The following CDH11 variants were observed in gnomAD, a reference collection of about 807,000 sequenced individuals.
The protein encoded by CDH11 is cadherin 11, also known as cadherin-11.
A neutral mutation model predicts 67.8 loss-of-function variants in CDH11; 11 were observed. The observed-to-expected ratio is 0.16, with a 90% CI of 0.10 to 0.27. The LOEUF (loss-of-function observed/expected upper bound fraction) is 0.27, where lower values mean the gene tolerates loss of function less well. CDH11 is among the 10% of genes least tolerant of loss of function. The pLI is 1.00. For synonymous variants in CDH11, 419 were observed against 400.0 expected (o/e 1.05, Z -0.57); for missense variants, 847 against 1,031.2 (o/e 0.82, Z 2.45).
At chr16:65,025,021 G>C (rs948324159) in intron 2 of CDH11, among the ~76,000 whole-genome samples, 25 of 152,180 alleles carry the variant, frequency 1.6e-4, no homozygotes, top group Non-Finnish European at 2.8e-4. Context: ...CAGACTCCCT[G>C]TCTCAGTCCA....
In CDH11 at chr16:64,947,373, T is replaced by C. The variant is rs1278547836; in HGVS notation, c.*230A>G. On this transcript the variant is annotated 3_prime_UTR_variant, in exon 13 of 13. Transcript: ENST00000268603. ...TTTTGTATGCCAAGTGTTTTTTTTT[T>C]CTAGCGAAGTTGATAAACAACTTCA... is the stretch of plus-strand genomic sequence containing the variant. 6.3e-6 allele frequency: 8 copies of C among 1,279,760 alleles called. No individual in the cohort carries two copies. Among genetic ancestry groups the C allele is most frequent in the African/African-American group, 1.5e-5 (1 of 67,168 alleles). The allele number at this position is 1,279,760 out of a possible 1,614,324, so 79.3% of individuals were successfully genotyped here.
At chr16:65,054,018 T>G in intron 1 of CDH11, 90 bp from the exon 2 acceptor site, 1 of 403,756 alleles carries the variant, frequency 2.5e-6, no homozygotes, top group South Asian at 1.8e-5. Context: ...TATGACAGAC[T>G]TTTCTCTTAG....
intron 1 of CDH11, chr16:65,072,175 C>T: frequency 6.6e-6 from 1 of 152,400 alleles, no homozygotes; most frequent in Non-Finnish European, 1.5e-5. Context: ...GTGGGGAGAC[C>T]AAGGGCCACA....
At chr16:65,034,061 G>A (rs2073702775) in intron 2 of CDH11, among the ~76,000 whole-genome samples, 1 of 152,186 alleles carries the variant, frequency 6.6e-6, no homozygotes. Flanking sequence ...CTAACCGCTA[G>A]TTTCAGTAAA....
intron 8 of CDH11, among the ~76,000 whole-genome samples, chr16:64,973,412 A>T (rs1440503370): frequency 6.6e-6 from 1 of 152,216 alleles, no homozygotes. Context: ...AAATGTATCA[A>T]ACCTTTGCCA....
chr16:65,044,777 A>G (rs1413223197), intron 2 of CDH11, among the ~76,000 whole-genome samples: 1 of 152,168 alleles, frequency 6.6e-6, no homozygotes, highest in African/African-American at 2.4e-5. Context: ...CCTGGATCAA[A>G]TCAGTCTTAG....
chr16:65,064,523 C>T (rs2074283270), intron 1 of CDH11, among the ~76,000 whole-genome samples: 1 of 152,190 alleles, frequency 6.6e-6, no homozygotes, highest in African/African-American at 2.4e-5. Flanking sequence ...GATTACTGGC[C>T]TTCAGAGACA....
intron 11 of CDH11, among the ~76,000 whole-genome samples, chr16:64,955,568 G>A (rs1049829313): frequency 6.6e-6 from 1 of 152,098 alleles, no homozygotes; most frequent in Non-Finnish European, 1.5e-5. Context: ...GCGAGACCTT[G>A]TCTCTAAAAA....
chr16:65,085,375 G>A lies in CDH11; in HGVS notation c.-297-31447C>T, dbSNP rs144748442. Among the ~76,000 whole-genome samples, 10 of 152,302 alleles carry A rather than the reference G, an allele frequency of 6.6e-5. No individual in the cohort carries two copies. The East Asian group carries it at 1.9e-3, about 29-fold the overall frequency. ...CATTCCACCTTAGTCATCTCCACAA[G>A]CTTGAGGTTCCTCCTCTGTAAAATG... On this transcript the variant is annotated intron_variant, in intron 1 of 12. Transcript: ENST00000268603.
At chr16:64,957,387 T>C (rs568908846) in intron 11 of CDH11, among the ~76,000 whole-genome samples, 1 of 152,158 alleles carries the variant, frequency 6.6e-6, no homozygotes, top group East Asian at 1.9e-4. Context: ...GACCCAAATC[T>C]GCCTACTCTA....
intron 1 of CDH11, among the ~76,000 whole-genome samples, chr16:65,105,418 C>G (rs903739159): frequency 6.6e-6 from 1 of 152,170 alleles, no homozygotes; most frequent in African/African-American, 2.4e-5. Context: ...TCAACACATT[C>G]CCACAACACA....
chr16:64,962,292 T>A (rs567852079), intron 11 of CDH11, among the ~76,000 whole-genome samples: 15 of 152,134 alleles, frequency 9.9e-5, no homozygotes, highest in African/African-American at 3.6e-4. Context: ...AAGTCACCTC[T>A]CCATCCAAAT....
chr16:64,954,535 G>A (rs76002512), intron 11 of CDH11, among the ~76,000 whole-genome samples: 17,001 of 152,158 alleles, frequency 0.11, 1,418 homozygotes, highest in East Asian at 0.25. Flanking sequence ...AGGCTCAGGG[G>A]ATCCTTCTAC....
At chr16:64,995,301 A>C (rs1039245552) in intron 4 of CDH11, among the ~76,000 whole-genome samples, 3 of 152,150 alleles carry the variant, frequency 2.0e-5, no homozygotes, top group Non-Finnish European at 4.4e-5. Context: ...CCTAAGCAAA[A>C]AGAAAAAAGT....
intron 2 of CDH11, among the ~76,000 whole-genome samples, chr16:65,014,902 C>T (rs568350157): frequency 3.0e-4 from 46 of 151,758 alleles, no homozygotes; most frequent in African/African-American, 1.1e-3. Flanking sequence ...TTTGGCCAGG[C>T]TGGAGTGCAA....
chr16:64,994,038 A>G (rs2072703043), intron 4 of CDH11, among the ~76,000 whole-genome samples: 1 of 152,168 alleles, frequency 6.6e-6, no homozygotes, highest in Non-Finnish European at 1.5e-5. Flanking sequence ...ACAAAACTCA[A>G]GTTATTTCTG....
At chr16:65,044,653 T>A (rs1597128231) in intron 2 of CDH11, among the ~76,000 whole-genome samples, 1 of 151,666 alleles carries the variant, frequency 6.6e-6, no homozygotes, top group South Asian at 2.1e-4. Context: ...AGAAGAAAAA[T>A]GTGTGCAAGG....
At position 64,988,265 on chromosome 16, in the gene CDH11, A is replaced by G; in HGVS notation, c.891T>C (p.Ile297=). The G allele has an allele frequency of 6.2e-7, 1 of 1,613,656 alleles. No individual in the cohort carries two copies. Residue 297 remains isoleucine, a synonymous_variant, in exon 7 of 13, where the codon ATT becomes ATC. Transcript: ENST00000268603. ...VGRVKAKDPD[I]GENGLVTYNI... ...TGTATGTGACTAAGCCATTTTCTCCAATGTCTGGATCTTTAGCTTTCACTC... is the reference window on the plus strand; with the variant it reads ...TGTATGTGACTAAGCCATTTTCTCCGATGTCTGGATCTTTAGCTTTCACTC...
intron 2 of CDH11, among the ~76,000 whole-genome samples, chr16:65,028,682 C>A (rs2073581242): frequency 1.3e-5 from 2 of 152,178 alleles, no homozygotes; most frequent in African/African-American, 4.8e-5. Context: ...TAATTCCTTT[C>A]TTTTCAATAT....
Sources: gnomAD v4.1 joint callset for allele counts (sites outside exome capture counted in the v4.1 genomes callset) on GRCh38, gnomAD v4.1.1 for gene constraint, MANE v1.5 for transcripts, NCBI Gene and HGNC (gene_info 2026-07-23, HGNC 2026-07-21) for gene names.